ODR4: variants seen among roughly 807,000 people sequenced by gnomAD.
ODR4 encodes the protein protein odr-4 homolog.
In ODR4, 47 loss-of-function variants were observed where a neutral mutation model predicts 60.2. The observed-to-expected ratio is 0.78, with a 90% confidence interval of 0.62 to 1.00. ODR4 has a LOEUF of 1.00. Ranked by LOEUF, ODR4 falls within the 50% of genes least tolerant of loss-of-function variation. The pLI, the probability that ODR4 is intolerant of heterozygous loss-of-function variation, is 0.00. For missense variants in ODR4, 488 were observed against 530.8 expected (o/e 0.92, Z 0.79); for synonymous variants, 178 against 175.5 (o/e 1.01, Z -0.11).
chr1:186,403,486 G>A (rs1408261029), intron 11 of ODR4, among the ~76,000 whole-genome samples: 1 of 151,732 alleles, frequency 6.6e-6, no homozygotes, highest in Non-Finnish European at 1.5e-5. Context: ...AGATCTTATA[G>A]ATGCTGTAAT....
intron 12 of ODR4, among the ~76,000 whole-genome samples, chr1:186,409,012 G>A (rs911763412): frequency 1.3e-5 from 1 of 75,212 alleles, no homozygotes; most frequent in Non-Finnish European, 3.4e-5. Context: ...TTAACAAACA[G>A]TTAGTAACAG....
At chr1:186,389,907 C>G (rs754349844) in intron 6 of ODR4, among the ~76,000 whole-genome samples, 2 of 152,208 alleles carry the variant, frequency 1.3e-5, no homozygotes, top group Non-Finnish European at 2.9e-5. Flanking sequence ...CCCACCTCAG[C>G]CTCTTGAGTA....
At chr1:186,416,641 C>T (rs1477955753) in intron 12 of ODR4, among the ~76,000 whole-genome samples, 2 of 151,976 alleles carry the variant, frequency 1.3e-5, no homozygotes, top group East Asian at 1.9e-4. Flanking sequence ...CATTGCACTC[C>T]AGCCTAGGCA....
chr1:186,430,854 C>G, the ODR4 span, among the ~76,000 whole-genome samples: 2 of 133,592 alleles, frequency 1.5e-5, no homozygotes, highest in African/African-American at 6.1e-5. Context: ...GTCACCCTCC[C>G]TCCCTTTTTT....
chr1:186,389,473 T>G, intron 5 of ODR4, 115 bp from the exon 6 acceptor site: 1 of 743,404 alleles, frequency 1.3e-6, no homozygotes, highest in Non-Finnish European at 2.2e-6. Context: ...TAAAGTGTTA[T>G]GATTTTGTAA....
At chr1:186,391,231 T>C (rs1437481373) in intron 7 of ODR4, among the ~76,000 whole-genome samples, 2 of 152,088 alleles carry the variant, frequency 1.3e-5, no homozygotes, top group Admixed American at 1.3e-4. Context: ...TAGCTTTCTC[T>C]TAGTACTTAG....
In ODR4 at chr1:186,403,583, A is replaced by G. The variant is rs149402857; in HGVS notation, c.1001-2500A>G. ...GAGGAAGTCTGTTAAGGACATAATA[A>G]CTTTATATATCTGATCTCTAAACTA... On this transcript the variant is annotated intron_variant, in intron 11 of 13. Transcript: ENST00000287859. 5.9e-3 allele frequency among the ~76,000 whole-genome samples: 900 copies of G among 152,138 alleles called. 12 individuals carry two copies. The highest frequency in any genetic ancestry group is 0.02 in the African/African-American group (844 of 41,508).
At chr1:186,392,727 G>C (rs1239577084) in intron 8 of ODR4, among the ~76,000 whole-genome samples, 2 of 152,132 alleles carry the variant, frequency 1.3e-5, no homozygotes, top group East Asian at 3.9e-4. Flanking sequence ...CAGGGGCCAG[G>C]CGTGGTGGCT....
intron 7 of ODR4, among the ~76,000 whole-genome samples, chr1:186,391,205 ATACTGTTTG>A (rs1660455793): frequency 6.6e-6 from 1 of 152,074 alleles, no homozygotes; most frequent in African/African-American, 2.4e-5. Flanking sequence ...GTAAGAAGCT[ATACTGTTTG>A]GACTTTTAGC....
chr1:186,411,280 G>C (rs1310610854), intron 12 of ODR4, among the ~76,000 whole-genome samples: 1 of 152,020 alleles, frequency 6.6e-6, no homozygotes, highest in Non-Finnish European at 1.5e-5. Context: ...AAGCATTTTG[G>C]ATGAGGAATA....
chr1:186,395,730 C>T (rs529615917), intron 9 of ODR4, among the ~76,000 whole-genome samples: 1 of 152,284 alleles, frequency 6.6e-6, no homozygotes, highest in Non-Finnish European at 1.5e-5. Flanking sequence ...TCTTGAAATA[C>T]TTTCCATTTA....
chr1:186,401,134 G>A (rs373997167), intron 11 of ODR4: 1 of 1,595,586 alleles, frequency 6.3e-7, no homozygotes, highest in East Asian at 2.3e-5. Flanking sequence ...TATAAAAGTG[G>A]TATTATATGG....
chr1:186,381,809 T>C (rs1209226635), intron 2 of ODR4, among the ~76,000 whole-genome samples: 1 of 152,192 alleles, frequency 6.6e-6, no homozygotes, highest in Non-Finnish European at 1.5e-5. Context: ...AAGTTATACA[T>C]TTTATGAAGA....
intron 3 of ODR4, among the ~76,000 whole-genome samples, chr1:186,384,586 C>T (rs932387117): frequency 1.3e-5 from 2 of 151,856 alleles, no homozygotes; most frequent in Non-Finnish European, 2.9e-5. Flanking sequence ...CACACACACA[C>T]ACACACACAC....
chr1:186,383,122 T>C lies in ODR4; in HGVS notation c.200T>C (p.Leu67Ser). 1 of 1,556,036 alleles carries C rather than the reference T, an allele frequency of 6.4e-7. No homozygotes were observed. The part of the protein sequence containing the change: ...LKHPKAKLDN[L>S]DEEWATEHAC... ...CATCCCAAAGCTAAGTTGGATAACT[T>C]GGATGAAGAATGGGCCACAGAACAT... Residue 67 changes from leucine (L) to serine (S), a missense_variant, in exon 3 of 14, where the codon TTG (leucine) becomes TCG (serine). Coordinates refer to ENST00000287859, the MANE Select transcript of ODR4 (RefSeq NM_017847.6).
intron 5 of ODR4, 134 bp from the exon 6 acceptor site, chr1:186,389,454 G>A (rs914091365): frequency 4.8e-5 from 31 of 647,444 alleles, no homozygotes; most frequent in Non-Finnish European, 6.2e-5. Flanking sequence ...ATATATGTAC[G>A]CATATCTTTA....
At chr1:186,392,324 C>T (rs560418456) in intron 8 of ODR4, among the ~76,000 whole-genome samples, 1 of 152,292 alleles carries the variant, frequency 6.6e-6, no homozygotes, top group Non-Finnish European at 1.5e-5. Flanking sequence ...ATTGTAAAGA[C>T]ACATGCATGC....
At chr1:186,397,483 A>G (rs1660750030) in intron 9 of ODR4, among the ~76,000 whole-genome samples, 1 of 152,038 alleles carries the variant, frequency 6.6e-6, no homozygotes, top group Admixed American at 6.6e-5. Flanking sequence ...CTTATTTGAA[A>G]TGCTTAGGAC....
chr1:186,403,274 TAGTA>T (rs1409732172), intron 11 of ODR4, among the ~76,000 whole-genome samples: 1 of 152,026 alleles, frequency 6.6e-6, no homozygotes, highest in Non-Finnish European at 1.5e-5. Context: ...TGTGGATACA[TAGTA>T]GGTATATATA....
Sources: gnomAD v4.1 joint callset for allele counts (sites outside exome capture counted in the v4.1 genomes callset) on GRCh38, gnomAD v4.1.1 for gene constraint, MANE v1.5 for transcripts, NCBI Gene and HGNC (gene_info 2026-07-23, HGNC 2026-07-21) for gene names.